The following GLMN variants were observed in gnomAD, a reference collection of about 807,000 sequenced individuals.
The protein encoded by GLMN is glomulin, FKBP associated protein.
GLMN carries 75 observed loss-of-function variants against 87.8 expected under a neutral mutation model. The observed-to-expected ratio is 0.85, with a 90% CI of 0.71 to 1.04. The LOEUF (loss-of-function observed/expected upper bound fraction) is 1.04, where lower values mean the gene tolerates loss of function less well. Among genes scored for constraint, GLMN ranks in the 50% least tolerant of loss-of-function variants. The probability of loss-of-function intolerance (pLI) is 0.00; values close to 1 mark genes in which losing one functional copy is unlikely to be tolerated. For missense variants in GLMN, 588 were observed against 658.8 expected (o/e 0.89, Z 1.18); for synonymous variants, 206 against 221.6 (o/e 0.93, Z 0.63).
At position 92,298,169 on chromosome 1, in the gene GLMN, G is replaced by A. The variant is rs1020834125; in HGVS notation, c.-30-140C>T. On this transcript the variant is annotated intron_variant, in intron 1 of 18. Coordinates refer to ENST00000370360, the MANE Select transcript of GLMN (RefSeq NM_053274.3). ...TGTTGTTGTGTTTTTTGGTCCAATA[G>A]CATGCTAGGAGAAAATGTAAAGTTT... 74 of 586,530 alleles carry A rather than the reference G, an allele frequency of 1.3e-4. No homozygotes were observed. The African/African-American group carries it at 1.3e-3, about 10-fold the overall frequency. The allele number at this position is 586,530 out of a possible 1,614,324, so 36.3% of individuals were successfully genotyped here.
chr1:92,297,285 C>T, intron 3 of GLMN, 119 bp downstream of exon 3: 3 of 1,349,076 alleles, frequency 2.2e-6, no homozygotes, highest in Non-Finnish European at 3.2e-6. Flanking sequence ...GTTTTCAGTT[C>T]CCTACTGTGA....
chr1:92,298,099 T>C, intron 1 of GLMN, 70 bp from the exon 2 acceptor site: 1 of 751,074 alleles, frequency 1.3e-6, no homozygotes, highest in Non-Finnish European at 2.4e-6. Context: ...TATGTTTCAG[T>C]GTGATAAATT....
the GLMN span, among the ~76,000 whole-genome samples, chr1:92,362,798 G>T: frequency 6.6e-6 from 1 of 152,054 alleles, no homozygotes. Flanking sequence ...TCATTGCAAT[G>T]AGTGACAAAT....
chr1:92,346,851 A>G, the GLMN span, among the ~76,000 whole-genome samples: 1 of 152,182 alleles, frequency 6.6e-6, no homozygotes, highest in East Asian at 1.9e-4. Context: ...TCTTTTGAGG[A>G]TCATTCATTA....
chr1:92,317,905 C>T, the GLMN span, among the ~76,000 whole-genome samples: 1 of 152,162 alleles, frequency 6.6e-6, no homozygotes, highest in African/African-American at 2.4e-5. Context: ...GATTGAGCTA[C>T]ACTTGGACCT....
intron 8 of GLMN, 28 bp from the exon 9 acceptor site, chr1:92,269,804 TATTATA>T: frequency 7.6e-7 from 1 of 1,308,060 alleles, no homozygotes; most frequent in Non-Finnish European, 1.1e-6. Context: ...CAAATATATA[TATTATA>T]CACACACACA....
chr1:92,263,021 G>A, intron 15 of GLMN, 95 bp from the exon 16 acceptor site: 1 of 598,786 alleles, frequency 1.7e-6, no homozygotes, highest in Non-Finnish European at 3.1e-6. Context: ...TTTATAATTA[G>A]GTTTGCCAAT....
the GLMN span, among the ~76,000 whole-genome samples, chr1:92,312,865 AG>A: frequency 2.6e-4 from 39 of 148,950 alleles, no homozygotes; most frequent in African/African-American, 9.2e-4. Context: ...TCTGTCACCC[AG>A]GCTGGAGTGC....
At chr1:92,342,902 C>A in the GLMN span, among the ~76,000 whole-genome samples, 1 of 152,014 alleles carries the variant, frequency 6.6e-6, no homozygotes, top group Non-Finnish European at 1.5e-5. Flanking sequence ...TTTGGCTCTA[C>A]CAAATTTTGA....
In GLMN at chr1:92,264,715, A is replaced by G. The variant is rs1655418723; in HGVS notation, c.1215-77T>C. On this transcript the variant is annotated intron_variant, in intron 13 of 18. Transcript: ENST00000370360. ...TTAAATGGTGATAAAAGTTTTACAA[A>G]TTCAAAGAGGCCATGTGTTACTTCT... The G allele has an allele frequency of 6.6e-5, 54 of 822,784 alleles. No individual in the cohort carries two copies. The South Asian group carries it at 7.4e-4, about 11-fold the overall frequency. The allele number at this position is 822,784 out of a possible 1,614,324, so 51.0% of individuals were successfully genotyped here. A position where few individuals can be genotyped will look rare whatever the true frequency, so the allele number is the denominator to read the frequency against.
chr1:92,329,190 C>T, the GLMN span, among the ~76,000 whole-genome samples: 1 of 152,158 alleles, frequency 6.6e-6, no homozygotes, highest in Admixed American at 6.5e-5. Context: ...GCTCTGGGGT[C>T]AGGCAGTGGG....
At chr1:92,283,296 G>C (rs1648309726) in intron 7 of GLMN, among the ~76,000 whole-genome samples, 1 of 152,160 alleles carries the variant, frequency 6.6e-6, no homozygotes, top group African/African-American at 2.4e-5. Context: ...TCTTCCCTGG[G>C]ATGCAAGGCC....
intron 3 of GLMN, among the ~76,000 whole-genome samples, chr1:92,293,651 G>A (rs1252851681): frequency 6.6e-6 from 1 of 152,100 alleles, no homozygotes; most frequent in Non-Finnish European, 1.5e-5. Flanking sequence ...AGAGATATTT[G>A]CACTCCCATG....
At chr1:92,262,814 T>A in intron 16 of GLMN, 49 bp downstream of exon 16, 1 of 797,660 alleles carries the variant, frequency 1.3e-6, no homozygotes, top group Non-Finnish European at 2.2e-6. Context: ...GAAACATTCC[T>A]TATGCCTTTT....
At chr1:92,332,691 T>C in the GLMN span, among the ~76,000 whole-genome samples, 102 of 152,286 alleles carry the variant, frequency 6.7e-4, 1 homozygote, top group African/African-American at 2.2e-3. Flanking sequence ...CTGTTATTCC[T>C]AGAGTATGGT....
the GLMN span, among the ~76,000 whole-genome samples, chr1:92,328,353 A>T: frequency 6.6e-6 from 1 of 152,146 alleles, no homozygotes; most frequent in Non-Finnish European, 1.5e-5. Flanking sequence ...TTCATTTTTT[A>T]AATTCTTTTT....
intron 8 of GLMN, among the ~76,000 whole-genome samples, chr1:92,270,650 G>A (rs1656147063): frequency 6.6e-6 from 1 of 151,792 alleles, no homozygotes; most frequent in Non-Finnish European, 1.5e-5. Flanking sequence ...AGAACTCAAA[G>A]TCCAGAAGAT....
chr1:92,271,590 C>T lies in GLMN; in HGVS notation c.798G>A (p.Lys266=), dbSNP rs1188816266. Residue 266 remains lysine, a synonymous_variant, in exon 8 of 19, where the codon AAG becomes AAA. Transcript: ENST00000370360. ...CAAATTCAAGGTAATTCCAAGTTCT[C>T]TTTTTCCTTCCATGATTAAAAATCA... is the stretch of plus-strand genomic sequence containing the variant. ...PKMIFNHGRK[K]RTWNYLEFEE... 6.2e-7 allele frequency: 1 copy of T among 1,612,376 alleles called. No individual in the cohort carries two copies. Among genetic ancestry groups the T allele is most frequent in the African/African-American group, 1.3e-5 (1 of 74,792 alleles).
In GLMN at chr1:92,290,231, T is replaced by TG; in HGVS notation, c.360_361insC (p.Ser121GlnfsTer18). 1 of 1,607,346 alleles carries TG rather than the reference T, an allele frequency of 6.2e-7. No homozygotes were observed. Among genetic ancestry groups the TG allele is most frequent in the Non-Finnish European group, 8.5e-7 (1 of 1,174,062 alleles). On this transcript the variant is annotated frameshift_variant, in exon 5 of 19. Transcript: ENST00000370360. LOFTEE classifies it high-confidence loss of function. ...AATGGCTGAAGCAAAAGAAGAATAC[T>TG]TTGGGATATCTGTTTTCCAGAGGGC... is the stretch of plus-strand genomic sequence containing the variant.
Sources: gnomAD v4.1 joint callset for allele counts (sites outside exome capture counted in the v4.1 genomes callset) on GRCh38, gnomAD v4.1.1 for gene constraint, MANE v1.5 for transcripts, NCBI Gene and HGNC (gene_info 2026-07-23, HGNC 2026-07-21) for gene names.